The following CSMD3 variants were observed in gnomAD, a reference collection of about 807,000 sequenced individuals.
The protein encoded by CSMD3 is CUB and Sushi multiple domains 3.
CSMD3 carries 177 observed loss-of-function variants against 435.2 expected under a neutral mutation model. That is an observed-to-expected ratio of 0.41 (90% confidence interval 0.36 to 0.46). The LOEUF (loss-of-function observed/expected upper bound fraction) is 0.46, where lower values mean the gene tolerates loss of function less well. Among genes scored for constraint, CSMD3 ranks in the 20% least tolerant of loss-of-function variants. CSMD3 has a pLI of 0.34. For missense variants in CSMD3, 4,265 were observed against 4,504.6 expected (o/e 0.95, Z 1.52); for synonymous variants, 1,656 against 1,520.5 (o/e 1.09, Z -2.07).
intron 5 of CSMD3, among the ~76,000 whole-genome samples, chr8:113,028,304 T>C (rs765814422): frequency 2.0e-5 from 3 of 151,926 alleles, no homozygotes; most frequent in Non-Finnish European, 4.4e-5. Context: ...CTGACTTCTC[T>C]ACTAATCAAC....
chr8:112,977,633 A>C (rs2084903718), intron 6 of CSMD3, among the ~76,000 whole-genome samples: 1 of 152,068 alleles, frequency 6.6e-6, no homozygotes, highest in Non-Finnish European at 1.5e-5. Context: ...TTGAGTCGTC[A>C]TATCTGAATT....
chr8:112,691,702 G>C (rs2076141141), intron 13 of CSMD3, among the ~76,000 whole-genome samples: 1 of 151,824 alleles, frequency 6.6e-6, no homozygotes, highest in Non-Finnish European at 1.5e-5. Context: ...TTTACTTTCT[G>C]GTTTTCTTTC....
chr8:112,622,908 T>C (rs1390867575), intron 22 of CSMD3, among the ~76,000 whole-genome samples: 4 of 152,158 alleles, frequency 2.6e-5, no homozygotes, highest in Non-Finnish European at 5.9e-5. Flanking sequence ...ATTTTACAAA[T>C]GGGAGTCAGA....
chr8:112,610,118 A>G (rs1037775604), intron 22 of CSMD3, among the ~76,000 whole-genome samples: 1 of 152,126 alleles, frequency 6.6e-6, no homozygotes, highest in Non-Finnish European at 1.5e-5. Context: ...TATAGTTAAT[A>G]GCATTGTATT....
chr8:112,967,061 G>T (rs190188533), intron 7 of CSMD3, among the ~76,000 whole-genome samples: 1 of 151,742 alleles, frequency 6.6e-6, no homozygotes, highest in Non-Finnish European at 1.5e-5. Flanking sequence ...TTAGAAATGC[G>T]AAATCTCAGA....
chr8:112,732,188 G>A (rs2077089199), intron 13 of CSMD3, among the ~76,000 whole-genome samples: 1 of 152,040 alleles, frequency 6.6e-6, no homozygotes, highest in African/African-American at 2.4e-5. Flanking sequence ...ACCACTGCAA[G>A]AGAAACAAGA....
At chr8:112,516,394 G>A (rs1197922110) in intron 28 of CSMD3, among the ~76,000 whole-genome samples, 2 of 152,080 alleles carry the variant, frequency 1.3e-5, no homozygotes, top group Non-Finnish European at 2.9e-5. Flanking sequence ...TAATGATATA[G>A]CATATTTTCT....
intron 5 of CSMD3, among the ~76,000 whole-genome samples, chr8:113,044,422 T>C (rs978266825): frequency 2.0e-5 from 3 of 149,000 alleles, no homozygotes; most frequent in Non-Finnish European, 3.0e-5. Flanking sequence ...ATAAAGATTG[T>C]TAAACATTTT....
At chr8:113,207,345 C>T (rs948261329) in intron 3 of CSMD3, among the ~76,000 whole-genome samples, 36 of 149,962 alleles carry the variant, frequency 2.4e-4, no homozygotes, top group African/African-American at 8.8e-4. Context: ...AACTTCTGAT[C>T]TTTTTTTCTC....
intron 42 of CSMD3, among the ~76,000 whole-genome samples, chr8:112,338,296 G>T (rs1346962613): frequency 2.0e-5 from 3 of 152,122 alleles, no homozygotes; most frequent in Non-Finnish European, 4.4e-5. Flanking sequence ...GATAATTTGG[G>T]CAATGCAGTA....
intron 22 of CSMD3, among the ~76,000 whole-genome samples, chr8:112,601,608 A>G (rs72676679): frequency 5.5e-4 from 84 of 152,324 alleles, no homozygotes; most frequent in Non-Finnish European, 1.0e-3. Flanking sequence ...AGAATGCTTC[A>G]TCAAGAAGGT....
intron 13 of CSMD3, among the ~76,000 whole-genome samples, chr8:112,693,176 T>G (rs2076176180): frequency 6.6e-6 from 1 of 152,068 alleles, no homozygotes; most frequent in South Asian, 2.1e-4. Flanking sequence ...CCATTGGATG[T>G]TTGCAAACTA....
chr8:112,468,331 C>A (rs377239160), intron 32 of CSMD3, among the ~76,000 whole-genome samples: 1 of 150,584 alleles, frequency 6.6e-6, no homozygotes, highest in South Asian at 2.1e-4. Flanking sequence ...AAAATAAATA[C>A]CCCAGTATCT....
intron 13 of CSMD3, among the ~76,000 whole-genome samples, chr8:112,718,973 A>T (rs929854866): frequency 1.8e-4 from 28 of 152,192 alleles, no homozygotes; most frequent in African/African-American, 6.5e-4. Context: ...TACACCTGTC[A>T]AATGAAGAGA....
intron 3 of CSMD3, among the ~76,000 whole-genome samples, chr8:113,211,215 GAA>G (rs1354411349): frequency 1.3e-5 from 2 of 152,018 alleles, no homozygotes; most frequent in African/African-American, 4.8e-5. Flanking sequence ...ACATAATAGA[GAA>G]TAATTTTCTC....
chr8:112,283,712 T>A (rs1818895122), intron 58 of CSMD3, among the ~76,000 whole-genome samples: 1 of 151,730 alleles, frequency 6.6e-6, no homozygotes, highest in Non-Finnish European at 1.5e-5. Flanking sequence ...AACATTTAGT[T>A]AGGCTTGGTT....
At chr8:112,519,330 T>C (rs1446494510) in intron 27 of CSMD3, among the ~76,000 whole-genome samples, 1 of 152,146 alleles carries the variant, frequency 6.6e-6, no homozygotes, top group Non-Finnish European at 1.5e-5. Context: ...AATAATATCA[T>C]AAAAGGAACA....
At chr8:113,205,301 T>C (rs1404381099) in intron 3 of CSMD3, among the ~76,000 whole-genome samples, 2 of 152,066 alleles carry the variant, frequency 1.3e-5, no homozygotes, top group African/African-American at 2.4e-5. Flanking sequence ...CTCCTTTTAA[T>C]ACCATCAGAT....
chr8:113,243,995 A>G (rs1411450336), intron 3 of CSMD3, among the ~76,000 whole-genome samples: 2 of 152,172 alleles, frequency 1.3e-5, no homozygotes, highest in African/African-American at 4.8e-5. Flanking sequence ...TCATTATAGT[A>G]TAGACTTGTA....
Sources: gnomAD v4.1 joint callset for allele counts (sites outside exome capture counted in the v4.1 genomes callset) on GRCh38, gnomAD v4.1.1 for gene constraint, MANE v1.5 for transcripts, NCBI Gene and HGNC (gene_info 2026-07-23, HGNC 2026-07-21) for gene names.